The following KDM6A variants were observed in gnomAD, a reference collection of about 807,000 sequenced individuals.
KDM6A encodes the protein lysine demethylase 6A.
KDM6A carries 11 observed loss-of-function variants against 117.6 expected under a neutral mutation model. The ratio of observed to expected loss-of-function variants is 0.09; its 90% CI spans 0.06 to 0.15. The LOEUF (loss-of-function observed/expected upper bound fraction) is 0.15. Ranked by LOEUF, KDM6A falls within the 10% of genes least tolerant of loss-of-function variation. KDM6A has a pLI of 1.00. For synonymous variants in KDM6A, 384 were observed against 396.1 expected (o/e 0.97, Z 0.36); for missense variants, 799 against 1,077.3 (o/e 0.74, Z 3.62).
At chrX:44,966,500 G>A (rs2147208818) in intron 3 of KDM6A, among the ~76,000 whole-genome samples, 1 of 110,956 alleles carries the variant, frequency 9.0e-6, no homozygotes, top group South Asian at 3.8e-4. Flanking sequence ...TTGGATATGT[G>A]TTTTCTTTTT....
chrX:44,954,609 G>A (rs2038214239), intron 2 of KDM6A, among the ~76,000 whole-genome samples: 1 of 111,646 alleles, frequency 9.0e-6, no homozygotes, highest in African/African-American at 3.3e-5. Flanking sequence ...TAGGAAGTTA[G>A]TGGGATGAGA....
chrX:45,095,045 CTT>C (rs1238246759), intron 27 of KDM6A, among the ~76,000 whole-genome samples: 2 of 111,004 alleles, frequency 1.8e-5, no homozygotes, highest in African/African-American at 6.6e-5. Flanking sequence ...ATAGAGCAAA[CTT>C]TTGGATAGTA....
intron 9 of KDM6A, among the ~76,000 whole-genome samples, chrX:45,052,170 C>T (rs2043882538): frequency 1.8e-5 from 2 of 112,062 alleles, no homozygotes; most frequent in African/African-American, 6.5e-5. Flanking sequence ...ATAATGACTA[C>T]AAAACAATTT....
Position 45,048,139 on chromosome X carries a change from G to A in KDM6A, c.655-3570G>A, listed in dbSNP as rs374573057. Reference sequence around the variant, plus strand: ...TGTGCCACTGCACTCCAGCCTGGGCGACACAGTGAAAGTGCGTCTCAAAAA... The same window carrying A: ...TGTGCCACTGCACTCCAGCCTGGGCAACACAGTGAAAGTGCGTCTCAAAAA... On this transcript the variant is annotated intron_variant, in intron 8 of 29. Coordinates refer to ENST00000611820, the MANE Select transcript of KDM6A (RefSeq NM_001291415.2). Among the ~76,000 whole-genome samples the A allele has an allele frequency of 2.5e-3, 210 of 83,795 alleles. 6 individuals are homozygous for A. The South Asian group carries it at 0.056, about 23-fold the overall frequency. The allele number at this position is 83,795 out of a possible 115,157, so 72.8% of individuals were successfully genotyped here.
chrX:44,896,490 G>A (rs1425325181), intron 2 of KDM6A, among the ~76,000 whole-genome samples: 3 of 110,969 alleles, frequency 2.7e-5, no homozygotes, highest in African/African-American at 9.8e-5. Context: ...CTCTTCCTTA[G>A]TAAGCAGAAC....
intron 4 of KDM6A, among the ~76,000 whole-genome samples, chrX:44,980,326 T>A (rs1020146200): frequency 3.9e-4 from 44 of 111,501 alleles, no homozygotes; most frequent in African/African-American, 1.4e-3. Context: ...TTTTCAAAAT[T>A]GCTTTGGTTT....
At chrX:44,919,641 C>CTT (rs1204126878) in intron 2 of KDM6A, among the ~76,000 whole-genome samples, 13,637 of 91,477 alleles carry the variant, frequency 0.15, 1,980 homozygotes, top group African/African-American at 0.41. Context: ...CAATATATAT[C>CTT]TTTTTTTTTT....
chrX:45,058,976 ATT>A (rs372323256), intron 10 of KDM6A, 28 bp from the exon 11 acceptor site: 904 of 937,573 alleles, frequency 9.6e-4, no homozygotes, highest in Middle Eastern at 1.2e-3. Flanking sequence ...AATTCTCTTG[ATT>A]TTTTTTTTTT....
At position 45,111,628 on chromosome X, in the gene KDM6A, T is replaced by G; in HGVS notation, c.*217T>G. 7.7e-6 allele frequency: 3 copies of G among 389,016 alleles called. No individual in the cohort carries two copies. Among genetic ancestry groups the G allele is most frequent in the Non-Finnish European group, 1.3e-5 (3 of 222,926 alleles). The allele number at this position is 389,016 out of a possible 1,213,427, so 32.1% of individuals were successfully genotyped here. ...TGATGAGCTGTACTTCAGAAAAAAA[T>G]AATAATTTCCATGTTTTGTATATAT... On this transcript the variant is annotated 3_prime_UTR_variant, in exon 30 of 30. Transcript: ENST00000611820.
At chrX:44,966,971 G>A (rs2039058658) in intron 3 of KDM6A, among the ~76,000 whole-genome samples, 1 of 105,111 alleles carries the variant, frequency 9.5e-6, no homozygotes, top group South Asian at 4.3e-4. Flanking sequence ...CCGGGTTCAC[G>A]CCATTCTCCT....
At chrX:45,100,208 C>T (rs1240976251) in intron 27 of KDM6A, among the ~76,000 whole-genome samples, 1 of 111,424 alleles carries the variant, frequency 9.0e-6, no homozygotes, top group Admixed American at 9.6e-5. Context: ...TTTAACAGGA[C>T]ATTTGAAAGG....
chrX:45,058,859 A>G lies in KDM6A; in HGVS notation c.876-147A>G, dbSNP rs2044188120. 14 of 502,282 alleles carry G rather than the reference A, an allele frequency of 2.8e-5. No homozygotes were observed. In the South Asian group the frequency reaches 2.9e-4, roughly 10 times the overall value. 41.4% of individuals were successfully genotyped at this position (502,282 alleles called of 1,213,427 possible). ...ATAATATTCATTATAGTTAACAAGT[A>G]TATACATACATACACATAAATATAT... is the stretch of plus-strand genomic sequence containing the variant. On this transcript the variant is annotated intron_variant, in intron 10 of 29. Transcript: ENST00000611820.
intron 5 of KDM6A, among the ~76,000 whole-genome samples, chrX:45,015,983 G>A (rs999379273): frequency 1.8e-5 from 2 of 111,622 alleles, no homozygotes; most frequent in Non-Finnish European, 3.8e-5. Flanking sequence ...TGATATATTA[G>A]CAACTGTCAG....
chrX:44,937,730 CAG>C (rs1378188208), intron 2 of KDM6A, among the ~76,000 whole-genome samples: 2 of 111,925 alleles, frequency 1.8e-5, no homozygotes, highest in Non-Finnish European at 3.8e-5. Flanking sequence ...AAGTGAAAGA[CAG>C]AGTTGGACAT....
chrX:45,072,976 A>G (rs776267935), intron 18 of KDM6A, among the ~76,000 whole-genome samples: 153 of 108,348 alleles, frequency 1.4e-3, no homozygotes, highest in African/African-American at 4.8e-3. Context: ...GCACCCATCA[A>G]CCTGTCATTT....
chrX:44,943,165 T>C (rs1261618866), intron 2 of KDM6A, among the ~76,000 whole-genome samples: 3 of 111,309 alleles, frequency 2.7e-5, no homozygotes, highest in Non-Finnish European at 5.7e-5. Context: ...CTTGGAGATA[T>C]TGGGAGTTTG....
chrX:45,052,823 A>C (rs2043914129), intron 9 of KDM6A, among the ~76,000 whole-genome samples: 2 of 111,165 alleles, frequency 1.8e-5, no homozygotes, highest in African/African-American at 6.6e-5. Flanking sequence ...CCGAGTAGCT[A>C]GGGCTGCAGG....
intron 2 of KDM6A, among the ~76,000 whole-genome samples, chrX:44,948,574 C>T (rs961399750): frequency 9.0e-6 from 1 of 111,240 alleles, no homozygotes; most frequent in African/African-American, 3.3e-5. Flanking sequence ...AATTCTGAGC[C>T]GAACTTATGT....
At chrX:44,955,629 ACTG>A (rs921257255) in intron 2 of KDM6A, among the ~76,000 whole-genome samples, 5 of 111,341 alleles carry the variant, frequency 4.5e-5, no homozygotes, top group African/African-American at 6.5e-5. Context: ...CCATTAAACA[ACTG>A]CTAATATTTC....
Sources: allele counts gnomAD v4.1 joint callset (sites outside exome capture counted in the v4.1 genomes callset), GRCh38; gene constraint gnomAD v4.1.1; transcripts MANE v1.5; gene names NCBI Gene and HGNC (gene_info 2026-07-23, HGNC 2026-07-21).